The following NAALADL2 variants were observed in gnomAD, a reference collection of about 807,000 sequenced individuals.
NAALADL2 encodes the protein inactive N-acetylated-alpha-linked acidic dipeptidase-like protein 2.
Under a neutral mutation model 87.2 loss-of-function variants are expected in NAALADL2, and 76 were observed. The observed-to-expected ratio is 0.87, with a 90% CI of 0.72 to 1.05. The LOEUF (loss-of-function observed/expected upper bound fraction) is 1.05, where lower values mean the gene tolerates loss of function less well. Among genes scored for constraint, NAALADL2 ranks in the 50% least tolerant of loss-of-function variants. The probability of loss-of-function intolerance (pLI) is 0.00; values close to 1 mark genes in which losing one functional copy is unlikely to be tolerated. For missense variants in NAALADL2, 1,089 were observed against 945.8 expected, an observed-to-expected ratio of 1.15 and a Z score of -1.99; for synonymous variants, 354 against 331.0, an observed-to-expected ratio of 1.07 and a Z score of -0.75.
chr3:174,807,945 A>G (rs1290129723), intron 3 of NAALADL2, among the ~76,000 whole-genome samples: 1 of 151,620 alleles, frequency 6.6e-6, no homozygotes, highest in African/African-American at 2.4e-5. Context: ...TAAAGCCCAA[A>G]TTAAGTTACT....
intron 13 of NAALADL2, chr3:175,773,668 A>G (rs1749816236): frequency 6.6e-6 from 1 of 152,146 alleles, no homozygotes; most frequent in African/African-American, 2.4e-5. Flanking sequence ...TATTCATCTT[A>G]AAGTGATAAT....
At chr3:175,781,631 G>A (rs973695005) in intron 13 of NAALADL2, among the ~76,000 whole-genome samples, 2 of 135,076 alleles carry the variant, frequency 1.5e-5, no homozygotes, top group Non-Finnish European at 3.1e-5. Context: ...GGGCTAATGT[G>A]TTTGTTTGTA....
rs143506167 is a variant in NAALADL2, at chr3:175,556,295, G to A, written c.1654-19746G>A. On this transcript the variant is annotated intron_variant, in intron 9 of 13. Transcript: ENST00000454872. ...GAAGTAGGAGTCAGGTTCTACTGGA[G>A]CCTCTACTACCTGCTGTTTATGATT... is the stretch of plus-strand genomic sequence containing the variant. Among the ~76,000 whole-genome samples the A allele has an allele frequency of 3.5e-3, 529 of 152,180 alleles. 3 individuals carry two copies. Among genetic ancestry groups the A allele is most frequent in the African/African-American group, 0.011 (477 of 41,528 alleles).
Position 175,640,112 on chromosome 3 carries a change from G to A in NAALADL2, c.1896+12726G>A, listed in dbSNP as rs1478310234. Among the ~76,000 whole-genome samples the A allele has an allele frequency of 2.0e-5, 3 of 152,040 alleles. No individual in the cohort carries two copies. In the East Asian group the frequency reaches 5.8e-4, roughly 29 times the overall value. On this transcript the variant is annotated intron_variant, in intron 11 of 13. Coordinates refer to ENST00000454872, the MANE Select transcript of NAALADL2 (RefSeq NM_207015.3). ...ATAAAAGTATTTTATAACAAAGAAA[G>A]GTTATTGCTTTTTTGTAAGAATGTG...
chr3:175,197,616 TTTAA>T (rs76975013), intron 2 of NAALADL2, among the ~76,000 whole-genome samples: 56,395 of 150,966 alleles, frequency 0.37, 11,630 homozygotes, highest in East Asian at 0.52. Context: ...TTGTCCAACC[TTTAA>T]TTAGTAATAA....
At position 175,757,301 on chromosome 3, in the gene NAALADL2, G is replaced by T. The variant is rs558119604; in HGVS notation, c.2189+1883G>T. On this transcript the variant is annotated intron_variant, in intron 13 of 13. Coordinates refer to ENST00000454872, the MANE Select transcript of NAALADL2 (RefSeq NM_207015.3). ...ATAATAAATATGATACTTTTATAAAGTAGCAAAAGCCTTATCACTGCAGAC... is the reference window on the plus strand; with the variant it reads ...ATAATAAATATGATACTTTTATAAATTAGCAAAAGCCTTATCACTGCAGAC... Among the ~76,000 whole-genome samples, 12 of 152,150 alleles carry T rather than the reference G, an allele frequency of 7.9e-5. No homozygotes were observed. In the South Asian group the frequency reaches 1.7e-3, roughly 21 times the overall value.
chr3:175,218,051 TG>T (rs986820632), intron 2 of NAALADL2: 17 of 422,958 alleles, frequency 4.0e-5, no homozygotes, highest in African/African-American at 2.5e-4. Flanking sequence ...TGAATTTCAA[TG>T]TTTTTTTTTG....
intron 12 of NAALADL2, among the ~76,000 whole-genome samples, chr3:175,750,284 C>G (rs1746471474): frequency 6.6e-6 from 1 of 152,136 alleles, no homozygotes; most frequent in South Asian, 2.1e-4. Flanking sequence ...GCAGAAGATT[C>G]CCTGAGCAAA....
intron 2 of NAALADL2, among the ~76,000 whole-genome samples, chr3:174,557,920 G>T (rs1377484341): frequency 6.6e-6 from 1 of 152,128 alleles, no homozygotes; most frequent in Non-Finnish European, 1.5e-5. Context: ...CTCCAGCAAT[G>T]ATTTGTGACA....
chr3:175,393,130 C>T (rs546210767), intron 5 of NAALADL2, among the ~76,000 whole-genome samples: 6 of 150,534 alleles, frequency 4.0e-5, no homozygotes, highest in East Asian at 2.0e-4. Context: ...AAAAATTAGC[C>T]GGGCGCGGTG....
chr3:175,629,171 AC>A (rs1357264454), intron 11 of NAALADL2, among the ~76,000 whole-genome samples: 4 of 148,382 alleles, frequency 2.7e-5, no homozygotes, highest in Admixed American at 2.0e-4. Flanking sequence ...ATACATATAT[AC>A]ACACATACAC....
intron 2 of NAALADL2, among the ~76,000 whole-genome samples, chr3:175,115,868 A>T (rs1037532105): frequency 6.6e-6 from 1 of 151,924 alleles, no homozygotes; most frequent in Non-Finnish European, 1.5e-5. Context: ...CCAGCAGCAC[A>T]TCAAAAAGCT....
intron 2 of NAALADL2, among the ~76,000 whole-genome samples, chr3:175,128,681 T>G (rs935162418): frequency 1.3e-5 from 2 of 152,130 alleles, no homozygotes; most frequent in Admixed American, 6.5e-5. Flanking sequence ...CAAAGGGAAG[T>G]GTTATAAAGC....
chr3:175,390,076 A>T (rs1581693455), intron 5 of NAALADL2, among the ~76,000 whole-genome samples: 1 of 152,282 alleles, frequency 6.6e-6, no homozygotes, highest in Non-Finnish European at 1.5e-5. Flanking sequence ...CACATGGAAA[A>T]AAATAGAACT....
At chr3:175,241,855 A>ATTTTTTCTTTTT (rs1553829279) in intron 3 of NAALADL2, among the ~76,000 whole-genome samples, 1 of 83,812 alleles carries the variant, frequency 1.2e-5, no homozygotes, top group African/African-American at 4.6e-5. Context: ...TGGATGCTGA[A>ATTTTTTCTTTTT]TTTTTTTTTT....
At chr3:175,165,191 A>G (rs934092844) in intron 2 of NAALADL2, among the ~76,000 whole-genome samples, 1 of 152,136 alleles carries the variant, frequency 6.6e-6, no homozygotes, top group Non-Finnish European at 1.5e-5. Flanking sequence ...CCATGCTTCC[A>G]TAGTACTTCA....
At chr3:174,449,578 G>A (rs540835085) in intron 1 of NAALADL2, among the ~76,000 whole-genome samples, 1 of 152,182 alleles carries the variant, frequency 6.6e-6, no homozygotes, top group South Asian at 2.1e-4. Flanking sequence ...TACATAAACA[G>A]TATAAATGTA....
chr3:175,388,140 A>G (rs1386767236), intron 5 of NAALADL2, among the ~76,000 whole-genome samples: 9 of 152,138 alleles, frequency 5.9e-5, no homozygotes, highest in Admixed American at 5.9e-4. Context: ...AATCAGTGCA[A>G]TATCTGAGTT....
chr3:175,313,983 A>T (rs1758710939), intron 4 of NAALADL2, among the ~76,000 whole-genome samples: 1 of 147,986 alleles, frequency 6.8e-6, no homozygotes, highest in Admixed American at 6.9e-5. Context: ...AATTGCTTGA[A>T]CCCGGGAGGC....
Sources: allele counts gnomAD v4.1 joint callset (sites outside exome capture counted in the v4.1 genomes callset), GRCh38; gene constraint gnomAD v4.1.1; transcripts MANE v1.5; gene names NCBI Gene and HGNC (gene_info 2026-07-23, HGNC 2026-07-21).